Variants in TNS3 observed in about 807,000 individuals in gnomAD.
TNS3 encodes tensin 3.
A neutral mutation model predicts 140.9 loss-of-function variants in TNS3; 45 were observed. The ratio of observed to expected loss-of-function variants is 0.32; its 90% CI spans 0.25 to 0.41. The LOEUF (loss-of-function observed/expected upper bound fraction) is 0.41. Among genes scored for constraint, TNS3 ranks in the 10% least tolerant of loss-of-function variants. The pLI, the probability that TNS3 is intolerant of heterozygous loss-of-function variation, is 1.00. For synonymous variants in TNS3, 815 were observed against 788.4 expected (o/e 1.03, Z -0.56); for missense variants, 1,716 against 1,906.7 (o/e 0.90, Z 1.86).
intron 7 of TNS3, among the ~76,000 whole-genome samples, chr7:47,436,936 C>T (rs1795212452): frequency 1.3e-5 from 2 of 152,202 alleles, no homozygotes; most frequent in Middle Eastern, 6.8e-3. Flanking sequence ...CACATGTACG[C>T]AAAACCAGGG....
intron 20 of TNS3, among the ~76,000 whole-genome samples, chr7:47,334,541 T>C (rs2150935826): frequency 6.6e-6 from 1 of 152,204 alleles, no homozygotes; most frequent in South Asian, 2.1e-4. Flanking sequence ...TTTTATGTTA[T>C]GTGTTTATAT....
chr7:47,441,879 G>A (rs949881035), intron 5 of TNS3, 124 bp downstream of exon 5: 4 of 736,392 alleles, frequency 5.4e-6, no homozygotes, highest in East Asian at 1.3e-4. Flanking sequence ...GATTGGCAAT[G>A]TTTACAACCA....
chr7:47,368,573 G>A lies in TNS3; in HGVS notation c.2073C>T (p.Pro691=), dbSNP rs2151143829. Residue 691 remains proline, a synonymous_variant, in exon 17 of 31, where the codon CCC becomes CCT. Transcript: ENST00000311160. Reference sequence around the variant, plus strand: ...CGATGGACTGGTCGATGTCCAGGGTGGGCGAGCCTGGGGAGGGGCCTGTGC... The same window carrying A: ...CGATGGACTGGTCGATGTCCAGGGTAGGCGAGCCTGGGGAGGGGCCTGTGC... The part of the protein sequence containing the change: ...ELSTGPSPGS[P]TLDIDQSIEQ... 1 of 1,567,994 alleles carries A rather than the reference G, an allele frequency of 6.4e-7. No individual in the cohort carries two copies.
chr7:47,359,004 T>G (rs1790166002), intron 17 of TNS3, among the ~76,000 whole-genome samples: 1 of 152,040 alleles, frequency 6.6e-6, no homozygotes, highest in Admixed American at 6.5e-5. Context: ...CCCAGCAAGT[T>G]ACAGAGGTGC....
chr7:47,530,995 A>G (rs1364470644), intron 1 of TNS3, among the ~76,000 whole-genome samples: 1 of 151,576 alleles, frequency 6.6e-6, no homozygotes, highest in Non-Finnish European at 1.5e-5. Context: ...ACCAACCAAT[A>G]GGATAACAGG....
chr7:47,574,649 C>CACA (rs1314030341), intron 1 of TNS3, among the ~76,000 whole-genome samples: 1,782 of 134,954 alleles, frequency 0.013, 10 homozygotes, highest in African/African-American at 0.02. Context: ...ACACACACAC[C>CACA]CCCACACACA....
intron 4 of TNS3, among the ~76,000 whole-genome samples, chr7:47,445,951 C>T (rs1398558911): frequency 6.6e-6 from 1 of 152,218 alleles, no homozygotes; most frequent in Admixed American, 6.5e-5. Flanking sequence ...CATTTCATGA[C>T]TGAAGGATGA....
intron 1 of TNS3, among the ~76,000 whole-genome samples, chr7:47,535,818 C>T (rs563654094): frequency 1.3e-5 from 2 of 152,362 alleles, no homozygotes; most frequent in Non-Finnish European, 1.5e-5. Context: ...TAGGTTCTCC[C>T]GGCTAAAGGT....
intron 17 of TNS3, among the ~76,000 whole-genome samples, chr7:47,356,067 G>T (rs1008031470): frequency 3.3e-5 from 5 of 152,162 alleles, no homozygotes; most frequent in Non-Finnish European, 5.9e-5. Context: ...ACCAATACGT[G>T]ACTGTTGGCT....
chr7:47,434,357 T>TA (rs1299496255), intron 8 of TNS3, among the ~76,000 whole-genome samples: 1 of 151,086 alleles, frequency 6.6e-6, no homozygotes, highest in Non-Finnish European at 1.5e-5. Context: ...ACTTCCTAGA[T>TA]ACTTTGATGG....
chr7:47,460,375 C>G (rs1395374035), intron 4 of TNS3, among the ~76,000 whole-genome samples: 1 of 152,192 alleles, frequency 6.6e-6, no homozygotes, highest in Non-Finnish European at 1.5e-5. Flanking sequence ...AGCCTTCCAG[C>G]CTCCAGGACT....
chr7:47,540,760 C>G (rs535629334), intron 1 of TNS3, among the ~76,000 whole-genome samples: 1 of 152,244 alleles, frequency 6.6e-6, no homozygotes, highest in South Asian at 2.1e-4. Context: ...GGTAAAGCGC[C>G]GTATTTTTGG....
At chr7:47,530,838 A>AAAAAATATAT in intron 1 of TNS3, among the ~76,000 whole-genome samples, 7 of 54,564 alleles carry the variant, frequency 1.3e-4, no homozygotes, top group African/African-American at 5.5e-4. Flanking sequence ...AAAAAAAAAA[A>AAAAAATATAT]ATATATATAT....
intron 11 of TNS3, among the ~76,000 whole-genome samples, chr7:47,414,373 G>A (rs966406750): frequency 6.6e-6 from 1 of 152,232 alleles, no homozygotes; most frequent in Non-Finnish European, 1.5e-5. Context: ...TGCGACTGGC[G>A]AGGAAGGGCA....
At chr7:47,368,229 G>A in intron 17 of TNS3, 136 bp downstream of exon 17, 1 of 951,666 alleles carries the variant, frequency 1.1e-6, no homozygotes, top group Non-Finnish European at 1.4e-6. Flanking sequence ...AAATTCACAA[G>A]AGTTGAAACT....
rs534243426 is a variant in TNS3 at position 47,332,733 on chromosome 7, T to C, written c.2650+12022A>G. Among the ~76,000 whole-genome samples, 564 of 152,342 alleles carry C rather than the reference T, an allele frequency of 3.7e-3. 3 individuals carry two copies. The highest frequency in any genetic ancestry group is 0.012 in the African/African-American group (519 of 41,578). ...TTTTAAGAGACTTCCCCCAACACCA[T>C]GCATGGCACACATATTCTTATTTTA... is the stretch of plus-strand genomic sequence containing the variant. On this transcript the variant is annotated intron_variant, in intron 20 of 30. Coordinates refer to ENST00000311160, the MANE Select transcript of TNS3 (RefSeq NM_022748.12).
At chr7:47,384,081 A>C (rs1330772294) in intron 16 of TNS3, among the ~76,000 whole-genome samples, 1 of 152,146 alleles carries the variant, frequency 6.6e-6, no homozygotes, top group Non-Finnish European at 1.5e-5. Flanking sequence ...GCCCGTGACC[A>C]CCCATTCTCC....
rs1018307412 is a variant in TNS3 at position 47,529,039 on chromosome 7, G to A, written c.-156C>T. On this transcript the variant is annotated 5_prime_UTR_variant, in exon 2 of 31. Transcript: ENST00000311160. ...AGAATCATAAACACAGACTTACCTC[G>A]GCATGAAATACCTTGACCGTCAATA... The A allele has an allele frequency of 1.6e-5, 21 of 1,282,646 alleles. No homozygotes were observed. Among genetic ancestry groups the A allele is most frequent in the Non-Finnish European group, 1.8e-5 (18 of 985,226 alleles). 79.5% of individuals were successfully genotyped at this position (1,282,646 alleles called of 1,614,324 possible).
intron 16 of TNS3, among the ~76,000 whole-genome samples, chr7:47,393,821 C>G (rs1230157431): frequency 6.6e-6 from 1 of 152,192 alleles, no homozygotes; most frequent in Non-Finnish European, 1.5e-5. Context: ...GGGAACCACT[C>G]TTTCCCGGGT....
Sources: allele counts gnomAD v4.1 joint callset (sites outside exome capture counted in the v4.1 genomes callset), GRCh38; gene constraint gnomAD v4.1.1; transcripts MANE v1.5; gene names NCBI Gene and HGNC (gene_info 2026-07-23, HGNC 2026-07-21).